Variants in SGCD observed in about 807,000 individuals in gnomAD.
SGCD encodes sarcoglycan delta, also known as delta-sarcoglycan.
SGCD carries 18 observed loss-of-function variants against 36.6 expected under a neutral mutation model. The ratio of observed to expected loss-of-function variants is 0.49; its 90% confidence interval spans 0.34 to 0.73. The LOEUF (loss-of-function observed/expected upper bound fraction) is 0.73. Ranked by LOEUF, SGCD falls within the 30% of genes least tolerant of loss-of-function variation. The pLI is 0.01. For synonymous variants in SGCD, 133 were observed against 130.6 expected (o/e 1.02, Z -0.12); for missense variants, 387 against 346.7 (o/e 1.12, Z -0.92).
upstream of SGCD, among the ~76,000 whole-genome samples, chr5:155,870,162 G>C (rs1032326928): frequency 1.3e-5 from 2 of 152,244 alleles, no homozygotes; most frequent in African/African-American, 4.8e-5. Flanking sequence ...TCTGGAGCCA[G>C]AGGGCCTGGA....
chr5:156,745,292 A>C (rs1349548705), intron 7 of SGCD, among the ~76,000 whole-genome samples: 1 of 152,184 alleles, frequency 6.6e-6, no homozygotes, highest in East Asian at 1.9e-4. Flanking sequence ...AAAGGGGAAA[A>C]AATAAATTTC....
intron 4 of SGCD, 63 bp from the exon 5 acceptor site, chr5:156,589,156 GGAGAGTTGTAAT>G: frequency 9.1e-7 from 1 of 1,097,644 alleles, no homozygotes; most frequent in Non-Finnish European, 1.4e-6. Context: ...TCAGCCCCTT[GGAGAGTTGTAAT>G]GACAGTTCTT....
chr5:156,077,111 A>G (rs1760806762), intron 1 of SGCD, among the ~76,000 whole-genome samples: 2 of 152,258 alleles, frequency 1.3e-5, no homozygotes, highest in South Asian at 2.1e-4. Flanking sequence ...TCGTCACGTG[A>G]CTGAAACCAA....
intron 4 of SGCD, among the ~76,000 whole-genome samples, chr5:156,584,857 G>A (rs1760427896): frequency 6.6e-6 from 1 of 152,112 alleles, no homozygotes; most frequent in Non-Finnish European, 1.5e-5. Flanking sequence ...CAACTTTTAT[G>A]TAATTATTTC....
At chr5:155,728,519 C>G in the SGCD span, among the ~76,000 whole-genome samples, 32 of 152,344 alleles carry the variant, frequency 2.1e-4, no homozygotes, top group African/African-American at 7.7e-4. Context: ...CCTGGAGAAA[C>G]AGCCCCGCTC....
intron 2 of SGCD, among the ~76,000 whole-genome samples, chr5:156,333,257 T>C (rs1768156468): frequency 6.6e-6 from 1 of 152,174 alleles, no homozygotes. Flanking sequence ...GCCTAATTTG[T>C]TGTAGCTGCT....
At chr5:156,588,121 T>C (rs1032205492) in intron 4 of SGCD, among the ~76,000 whole-genome samples, 1 of 151,856 alleles carries the variant, frequency 6.6e-6, no homozygotes, top group African/African-American at 2.4e-5. Flanking sequence ...GATTCATCCT[T>C]TAATTTATGG....
chr5:156,712,790 C>A (rs1338141388), intron 7 of SGCD, among the ~76,000 whole-genome samples: 1 of 152,180 alleles, frequency 6.6e-6, no homozygotes, highest in Non-Finnish European at 1.5e-5. Context: ...GAGCAGCATT[C>A]CCCAACCCCT....
the SGCD span, among the ~76,000 whole-genome samples, chr5:155,828,052 A>G: frequency 6.6e-6 from 1 of 151,970 alleles, no homozygotes; most frequent in East Asian, 1.9e-4. Flanking sequence ...TGAGTAATAC[A>G]CACTTACTTA....
chr5:156,412,835 C>CCGGACTG (rs1772837467), intron 3 of SGCD, among the ~76,000 whole-genome samples: 2 of 147,424 alleles, frequency 1.4e-5, no homozygotes, highest in African/African-American at 2.5e-5. Context: ...GTCGCCCAGG[C>CCGGACTG]CGGACTGCGG....
the SGCD span, among the ~76,000 whole-genome samples, chr5:155,783,713 C>A: frequency 6.6e-6 from 1 of 152,092 alleles, no homozygotes; most frequent in Non-Finnish European, 1.5e-5. Context: ...CTGAAAATAA[C>A]ATTGCAGCAC....
chr5:156,359,849 C>T (rs543174996), intron 3 of SGCD, among the ~76,000 whole-genome samples: 1 of 152,160 alleles, frequency 6.6e-6, no homozygotes, highest in Non-Finnish European at 1.5e-5. Flanking sequence ...TTCTAATGGA[C>T]CTTATTGATT....
At chr5:155,748,619 C>T in the SGCD span, among the ~76,000 whole-genome samples, 389 of 152,232 alleles carry the variant, frequency 2.6e-3, 1 homozygote, top group African/African-American at 8.2e-3. Flanking sequence ...ATTTTCAACA[C>T]ATTTTGAGGC....
At chr5:156,504,502 A>G (rs577683836) in intron 3 of SGCD, among the ~76,000 whole-genome samples, 22 of 151,642 alleles carry the variant, frequency 1.5e-4, no homozygotes, top group African/African-American at 5.1e-4. Context: ...GTTTCAGTCA[A>G]TAATGCATCA....
At chr5:156,160,044 A>G (rs1473570908) in intron 3 of SGCD, among the ~76,000 whole-genome samples, 2 of 151,640 alleles carry the variant, frequency 1.3e-5, no homozygotes, top group Non-Finnish European at 2.9e-5. Flanking sequence ...CTTTCAGTTA[A>G]TATTTCAGTC....
chr5:156,229,299 T>TATATATATATATATATATATATATAA (rs1561575035), intron 3 of SGCD, among the ~76,000 whole-genome samples: 3 of 76,420 alleles, frequency 3.9e-5, no homozygotes, highest in East Asian at 1.4e-3. Context: ...TATATATATA[T>TATATATATATATATATATATATATAA]AAAATTAGTT....
intron 3 of SGCD, among the ~76,000 whole-genome samples, chr5:156,200,841 A>T (rs1764130442): frequency 6.6e-6 from 1 of 152,192 alleles, no homozygotes; most frequent in South Asian, 2.1e-4. Flanking sequence ...AGCAACCCAG[A>T]TGTCCATCGA....
the SGCD span, among the ~76,000 whole-genome samples, chr5:155,859,570 A>T: frequency 6.6e-6 from 1 of 152,068 alleles, no homozygotes; most frequent in African/African-American, 2.4e-5. Flanking sequence ...CCCTTGCTAG[A>T]ATTTCATATA....
At chr5:155,780,193 A>G in the SGCD span, among the ~76,000 whole-genome samples, 1 of 152,074 alleles carries the variant, frequency 6.6e-6, no homozygotes, top group Non-Finnish European at 1.5e-5. Flanking sequence ...AGATTAGCTC[A>G]TTGCATGACA....
Sources: gnomAD v4.1 joint callset for allele counts (sites outside exome capture counted in the v4.1 genomes callset) on GRCh38, gnomAD v4.1.1 for gene constraint, MANE v1.5 for transcripts, NCBI Gene and HGNC (gene_info 2026-07-23, HGNC 2026-07-21) for gene names.